NKAIN2: variants seen among roughly 807,000 people sequenced by gnomAD.
The protein encoded by NKAIN2 is sodium/potassium transporting ATPase interacting 2.
In NKAIN2, 14 loss-of-function variants were observed where a neutral mutation model predicts 32.6. That is an observed-to-expected ratio of 0.43 (90% confidence interval 0.28 to 0.67). The LOEUF is 0.67. Ranked by LOEUF, NKAIN2 falls within the 30% of genes least tolerant of loss-of-function variation. The pLI is 0.17. For synonymous variants in NKAIN2, 80 were observed against 87.2 expected, an observed-to-expected ratio of 0.92 and a Z score of 0.46; for missense variants, 198 against 258.3, an observed-to-expected ratio of 0.77 and a Z score of 1.60.
chr6:124,132,201 A>G (rs1444765160), intron 1 of NKAIN2, among the ~76,000 whole-genome samples: 1 of 152,090 alleles, frequency 6.6e-6, no homozygotes, highest in Non-Finnish European at 1.5e-5. Context: ...TCCCCTTTGG[A>G]ACATAAACCC....
chr6:123,849,962 G>GTTTTTTTTTTTTTTTTTTTTTTTTT (rs1187495506), intron 1 of NKAIN2, among the ~76,000 whole-genome samples: 1 of 22,338 alleles, frequency 4.5e-5, no homozygotes, highest in African/African-American at 5.1e-5. Context: ...TTTTTTTTTT[G>GTTTTTTTTTTTTTTTTTTTTTTTTT]TTTGTTTGTT....
chr6:123,862,567 C>T (rs1048315837), intron 1 of NKAIN2, among the ~76,000 whole-genome samples: 2 of 152,168 alleles, frequency 1.3e-5, no homozygotes, highest in African/African-American at 4.8e-5. Flanking sequence ...CGGCCAACTA[C>T]AGTATGGTCT....
chr6:124,117,033 A>G (rs1034665661), intron 1 of NKAIN2, among the ~76,000 whole-genome samples: 10 of 152,250 alleles, frequency 6.6e-5, no homozygotes, highest in African/African-American at 2.4e-4. Flanking sequence ...GTAATTAGCT[A>G]TAAAATGCTT....
chr6:124,355,220 C>T, intron 2 of NKAIN2, 47 bp from the exon 3 acceptor site: 1 of 1,257,778 alleles, frequency 8.0e-7, no homozygotes, highest in East Asian at 2.3e-5. Context: ...TCATACTCAA[C>T]TGATTCCAAA....
intron 1 of NKAIN2, among the ~76,000 whole-genome samples, chr6:124,274,142 A>G (rs1045372156): frequency 3.3e-5 from 5 of 152,162 alleles, no homozygotes; most frequent in Admixed American, 3.3e-4. Context: ...GATAAATGTC[A>G]TTTTTGTGCC....
intron 4 of NKAIN2, among the ~76,000 whole-genome samples, chr6:124,728,872 G>T (rs1405135122): frequency 2.7e-5 from 4 of 150,538 alleles, no homozygotes; most frequent in African/African-American, 9.9e-5. Context: ...ATGATAAAGG[G>T]GATATCACCA....
Position 124,498,103 on chromosome 6 carries a change from C to T in NKAIN2, c.273+142756C>T, listed in dbSNP as rs185413245. Reference sequence around the variant, plus strand: ...GTAATACACCTTCTCATTTTTTAAGCCCAAAAGACGAAGAAAATCGAGAAA... The same window carrying T: ...GTAATACACCTTCTCATTTTTTAAGTCCAAAAGACGAAGAAAATCGAGAAA... On this transcript the variant is annotated intron_variant, in intron 3 of 6. Transcript: ENST00000368417. 1.8e-3 allele frequency among the ~76,000 whole-genome samples: 278 copies of T among 152,118 alleles called. 1 individual carries two copies. The highest frequency in any genetic ancestry group is 2.9e-3 in the Non-Finnish European group (196 of 67,984).
chr6:124,670,645 C>CTCTGTGTGTG (rs1436735758), intron 4 of NKAIN2, among the ~76,000 whole-genome samples: 1 of 123,798 alleles, frequency 8.1e-6, no homozygotes, highest in Non-Finnish European at 1.8e-5. Flanking sequence ...TCTTTGCTTT[C>CTCTGTGTGTG]TGTGTGTGTG....
At chr6:124,632,050 A>C (rs1338649911) in intron 3 of NKAIN2, among the ~76,000 whole-genome samples, 1 of 152,134 alleles carries the variant, frequency 6.6e-6, no homozygotes, top group Non-Finnish European at 1.5e-5. Context: ...ATATAAATTA[A>C]AATTATATCA....
At chr6:124,565,621 T>C (rs1348532457) in intron 3 of NKAIN2, among the ~76,000 whole-genome samples, 1 of 152,218 alleles carries the variant, frequency 6.6e-6, no homozygotes, top group African/African-American at 2.4e-5. Flanking sequence ...TTTTATAAAG[T>C]GGTTTCATGC....
At chr6:124,431,107 A>G (rs1223314412) in intron 3 of NKAIN2, among the ~76,000 whole-genome samples, 1 of 152,184 alleles carries the variant, frequency 6.6e-6, no homozygotes, top group Non-Finnish European at 1.5e-5. Context: ...ATTTTACAAA[A>G]TGCATATGAT....
chr6:124,411,215 C>T (rs1460793793), intron 3 of NKAIN2, among the ~76,000 whole-genome samples: 1 of 152,034 alleles, frequency 6.6e-6, no homozygotes, highest in East Asian at 1.9e-4. Context: ...TGAATTTGAT[C>T]CTGTCATTAT....
intron 1 of NKAIN2, among the ~76,000 whole-genome samples, chr6:124,274,742 T>TATATTAATA (rs1321298513): frequency 2.0e-5 from 3 of 152,036 alleles, no homozygotes; most frequent in Non-Finnish European, 4.4e-5. Context: ...CTACTCAATA[T>TATATTAATA]ATATTAATAA....
In NKAIN2 at chr6:124,606,907, A is replaced by G. The variant is rs75054208; in HGVS notation, c.274-51279A>G. Reference sequence around the variant, plus strand: ...TCAAGAAAGGACCACAATTAAACAGAACAACAGTTGGTTCACATAAATAGG... The same window carrying G: ...TCAAGAAAGGACCACAATTAAACAGGACAACAGTTGGTTCACATAAATAGG... On this transcript the variant is annotated intron_variant, in intron 3 of 6. Coordinates refer to ENST00000368417, the MANE Select transcript of NKAIN2 (RefSeq NM_001040214.3). Among the ~76,000 whole-genome samples, 751 of 152,286 alleles carry G rather than the reference A, an allele frequency of 4.9e-3. 7 individuals carry two copies. Among genetic ancestry groups the G allele is most frequent in the Non-Finnish European group, 6.1e-3 (416 of 68,016 alleles).
intron 1 of NKAIN2, among the ~76,000 whole-genome samples, chr6:123,990,172 A>G (rs2114686500): frequency 6.6e-6 from 1 of 152,130 alleles, no homozygotes. Context: ...CATGGGGGAA[A>G]CCACCCCCGT....
chr6:123,942,098 G>A (rs893612497), intron 1 of NKAIN2, among the ~76,000 whole-genome samples: 1 of 151,714 alleles, frequency 6.6e-6, no homozygotes, highest in African/African-American at 2.4e-5. Flanking sequence ...TATTTTTTAC[G>A]TATTGCTGAT....
intron 2 of NKAIN2, among the ~76,000 whole-genome samples, chr6:124,326,874 C>T (rs1428869027): frequency 6.6e-6 from 1 of 152,160 alleles, no homozygotes; most frequent in Non-Finnish European, 1.5e-5. Context: ...TTTCCCCATT[C>T]TTCCCTCTCC....
At chr6:124,298,968 G>A (rs990404155) in intron 2 of NKAIN2, among the ~76,000 whole-genome samples, 1 of 152,180 alleles carries the variant, frequency 6.6e-6, no homozygotes, top group Admixed American at 6.5e-5. Context: ...CCTTAGTAAA[G>A]AAATAATCTT....
At chr6:124,548,048 C>G (rs140731114) in intron 3 of NKAIN2, among the ~76,000 whole-genome samples, 128 of 152,260 alleles carry the variant, frequency 8.4e-4, no homozygotes, top group African/African-American at 2.5e-3. Context: ...TAAAATGGAA[C>G]CTCCTTGCCT....
Sources: gnomAD v4.1 joint callset for allele counts (sites outside exome capture counted in the v4.1 genomes callset) on GRCh38, gnomAD v4.1.1 for gene constraint, MANE v1.5 for transcripts, NCBI Gene and HGNC (gene_info 2026-07-23, HGNC 2026-07-21) for gene names.